Variants in PDE11A observed in about 807,000 individuals in gnomAD.
PDE11A encodes dual 3',5'-cyclic-AMP and -GMP phosphodiesterase 11A.
In PDE11A, 100 loss-of-function variants were observed where a neutral mutation model predicts 100.5. The observed-to-expected ratio is 1.00, with a 90% CI of 0.85 to 1.18. PDE11A has a LOEUF of 1.18. Ranked by LOEUF, PDE11A falls within the 50% of genes most tolerant of loss-of-function variation. PDE11A has a pLI of 0.00. For synonymous variants in PDE11A, 381 were observed against 420.8 expected, an observed-to-expected ratio of 0.91 and a Z score of 1.16; for missense variants, 1,141 against 1,152.6, an observed-to-expected ratio of 0.99 and a Z score of 0.15.
At chr2:178,047,329 G>A (rs2086763810) in intron 1 of PDE11A, among the ~76,000 whole-genome samples, 1 of 152,056 alleles carries the variant, frequency 6.6e-6, no homozygotes, top group Non-Finnish European at 1.5e-5. Flanking sequence ...CAGGTCTGGT[G>A]GCACATACCT....
chr2:177,708,460 C>T (rs1400941019), intron 13 of PDE11A, among the ~76,000 whole-genome samples: 1 of 152,042 alleles, frequency 6.6e-6, no homozygotes, highest in Admixed American at 6.6e-5. Flanking sequence ...AAGAAGAAAA[C>T]AATAGATACT....
chr2:177,893,282 TA>T (rs2084558701), intron 4 of PDE11A, among the ~76,000 whole-genome samples: 2 of 152,298 alleles, frequency 1.3e-5, no homozygotes, highest in South Asian at 2.1e-4. Flanking sequence ...AATTTTATAT[TA>T]TTTATTTATT....
upstream of PDE11A, among the ~76,000 whole-genome samples, chr2:178,077,617 G>A (rs2087224857): frequency 6.6e-6 from 1 of 152,124 alleles, no homozygotes; most frequent in South Asian, 2.1e-4. Flanking sequence ...GCAAGTAATG[G>A]GTCAAACTGC....
At chr2:178,100,020 C>T (rs1468883361) in intron 2 of PDE11A, among the ~76,000 whole-genome samples, 2 of 152,174 alleles carry the variant, frequency 1.3e-5, no homozygotes, top group Non-Finnish European at 2.9e-5. Flanking sequence ...AGGACCAATA[C>T]TGTATGATTT....
intron 1 of PDE11A, among the ~76,000 whole-genome samples, chr2:178,106,462 A>T (rs971686004): frequency 1.3e-5 from 2 of 152,214 alleles, no homozygotes; most frequent in Non-Finnish European, 2.9e-5. Context: ...GCATTCAATT[A>T]TCAGTTCTAT....
intron 19 of PDE11A, among the ~76,000 whole-genome samples, chr2:177,654,187 A>G (rs777885012): frequency 3.3e-5 from 5 of 152,236 alleles, no homozygotes; most frequent in South Asian, 2.1e-4. Flanking sequence ...ATAAATTACA[A>G]CAAGTCAATT....
chr2:177,790,495 C>G (rs191151067), intron 9 of PDE11A, among the ~76,000 whole-genome samples: 1 of 151,176 alleles, frequency 6.6e-6, no homozygotes, highest in Non-Finnish European at 1.5e-5. Context: ...ACTTCATGTC[C>G]AAAACACCAA....
At chr2:178,010,068 A>G (rs2086258363) in intron 2 of PDE11A, among the ~76,000 whole-genome samples, 1 of 152,196 alleles carries the variant, frequency 6.6e-6, no homozygotes, top group African/African-American at 2.4e-5. Flanking sequence ...TTTATTGATA[A>G]TAAGTGCTAC....
At chr2:177,885,023 A>T (rs948300958) in intron 4 of PDE11A, among the ~76,000 whole-genome samples, 1 of 152,090 alleles carries the variant, frequency 6.6e-6, no homozygotes, top group Non-Finnish European at 1.5e-5. Context: ...TGTAATGGAG[A>T]TGGACAGTGG....
At chr2:177,947,287 C>T (rs993502456) in intron 2 of PDE11A, among the ~76,000 whole-genome samples, 13 of 144,336 alleles carry the variant, frequency 9.0e-5, no homozygotes, top group Non-Finnish European at 1.5e-4. Flanking sequence ...TCATTGAGAA[C>T]GGGCCAGGAT....
intron 2 of PDE11A, among the ~76,000 whole-genome samples, chr2:177,939,124 T>C (rs1451253312): frequency 6.6e-6 from 1 of 152,168 alleles, no homozygotes; most frequent in Non-Finnish European, 1.5e-5. Flanking sequence ...TTGCATAACA[T>C]GCAACCAGGA....
At chr2:178,017,761 C>T (rs1412433583) in intron 1 of PDE11A, among the ~76,000 whole-genome samples, 2 of 152,030 alleles carry the variant, frequency 1.3e-5, no homozygotes, top group Non-Finnish European at 2.9e-5. Flanking sequence ...GAGTTCGAGA[C>T]CAGCCTGGCC....
chr2:177,811,888 C>G (rs971410498), intron 9 of PDE11A, among the ~76,000 whole-genome samples: 4 of 152,076 alleles, frequency 2.6e-5, no homozygotes, highest in Admixed American at 6.6e-5. Flanking sequence ...CAGCATGTAT[C>G]AAAGAACTAG....
chr2:177,939,830 A>G (rs554233545), intron 2 of PDE11A, among the ~76,000 whole-genome samples: 2 of 152,324 alleles, frequency 1.3e-5, no homozygotes, highest in South Asian at 4.1e-4. Flanking sequence ...CAGACAAATC[A>G]CAAGAGAAAA....
chr2:178,047,741 G>A (rs1366784754), intron 1 of PDE11A, among the ~76,000 whole-genome samples: 3 of 152,060 alleles, frequency 2.0e-5, no homozygotes, highest in South Asian at 2.1e-4. Context: ...GGATTATTTT[G>A]TAAGGTTTCT....
intron 4 of PDE11A, among the ~76,000 whole-genome samples, chr2:177,886,098 T>C (rs753201194): frequency 3.3e-5 from 5 of 152,046 alleles, no homozygotes; most frequent in African/African-American, 4.8e-5. Context: ...ATAGAAATAA[T>C]AGTAAATGCA....
chr2:178,049,363 G>T (rs1297244728), intron 1 of PDE11A, among the ~76,000 whole-genome samples: 7 of 152,072 alleles, frequency 4.6e-5, no homozygotes, highest in East Asian at 1.9e-4. Context: ...TGCCAGGCTT[G>T]GGGGGGAAGT....
At chr2:178,043,376 A>G (rs533388964) in intron 1 of PDE11A, among the ~76,000 whole-genome samples, 1 of 152,306 alleles carries the variant, frequency 6.6e-6, no homozygotes, top group Non-Finnish European at 1.5e-5. Context: ...GAAAAGACAG[A>G]TCAAGGTTCT....
chr2:177,984,378 G>T (rs2085917407), intron 2 of PDE11A, among the ~76,000 whole-genome samples: 2 of 152,174 alleles, frequency 1.3e-5, no homozygotes, highest in African/African-American at 4.8e-5. Context: ...GAAGATAGGG[G>T]TGAATGGCAT....
Sources: gnomAD v4.1 joint callset for allele counts (sites outside exome capture counted in the v4.1 genomes callset) on GRCh38, gnomAD v4.1.1 for gene constraint, MANE v1.5 for transcripts, NCBI Gene and HGNC (gene_info 2026-07-23, HGNC 2026-07-21) for gene names.